The following COPG2 variants were observed in gnomAD, a reference collection of about 807,000 sequenced individuals.
The protein encoded by COPG2 is coatomer subunit gamma-2.
COPG2 carries 37 observed loss-of-function variants against 46.3 expected under a neutral mutation model. That is an observed-to-expected ratio of 0.80 (90% CI 0.61 to 1.05). The LOEUF is 1.05. Among genes scored for constraint, COPG2 ranks in the 50% least tolerant of loss-of-function variants. The pLI, the probability that COPG2 is intolerant of heterozygous loss-of-function variation, is 0.00. For synonymous variants in COPG2, 159 were observed against 129.7 expected (o/e 1.23, Z -1.53); for missense variants, 427 against 387.8 (o/e 1.10, Z -0.85).
At chr7:130,629,008 G>C (rs2116538813) in intron 5 of COPG2, among the ~76,000 whole-genome samples, 1 of 152,312 alleles carries the variant, frequency 6.6e-6, no homozygotes, top group African/African-American at 2.4e-5. Flanking sequence ...CTGGACAACA[G>C]AGCAAGATGC....
At chr7:130,612,362 A>C (rs1300678501) in intron 7 of COPG2, 124 bp from the exon 8 acceptor site, 2 of 625,452 alleles carry the variant, frequency 3.2e-6, no homozygotes, top group African/African-American at 1.9e-5. Context: ...TGTAGCTCTT[A>C]TAAGTCTATT....
rs1168370976 is a variant in COPG2 at position 130,583,805 on chromosome 7, C to CAAAAAAA, written c.738-19419_738-19413dup. On this transcript the variant is annotated intron_variant, in intron 9 of 23. Coordinates refer to ENST00000425248, the MANE Select transcript of COPG2 (RefSeq NM_012133.6). ...CTGGCAACAGAGCGAGACTCCATCT[C>CAAAAAAA]AAAAAAAAAAAAAAAAAAAAAAAAA... is the stretch of plus-strand genomic sequence containing the variant. 1.6e-4 allele frequency among the ~76,000 whole-genome samples: 2 copies of CAAAAAAA among 12,356 alleles called. 1 individual carries two copies. Among genetic ancestry groups the CAAAAAAA allele is most frequent in the African/African-American group, 6.3e-4 (2 of 3,182 alleles). The allele number at this position is 12,356 out of a possible 152,430, so 8.1% of individuals were successfully genotyped here. A position where few individuals can be genotyped will look rare whatever the true frequency, so the allele number is the denominator to read the frequency against.
chr7:130,530,281 T>G (rs1294564498), intron 20 of COPG2, among the ~76,000 whole-genome samples: 1 of 151,908 alleles, frequency 6.6e-6, no homozygotes, highest in African/African-American at 2.4e-5. Context: ...GGGCTGCATC[T>G]GAGGTAAATG....
At chr7:130,526,862 TGGGTTTGGGATG>T (rs1250907919) in intron 20 of COPG2, among the ~76,000 whole-genome samples, 3 of 77,438 alleles carry the variant, frequency 3.9e-5, no homozygotes, top group East Asian at 8.1e-4. Context: ...GATTTGGGAT[TGGGTTTGGGATG>T]GGGTTTGGGT....
intron 5 of COPG2, among the ~76,000 whole-genome samples, chr7:130,643,992 C>T (rs1554457707): frequency 6.6e-6 from 1 of 152,062 alleles, no homozygotes; most frequent in Non-Finnish European, 1.5e-5. Context: ...AAATGAGCAG[C>T]AGTGCAAAGA....
At chr7:130,626,978 A>G (rs1795131951) in intron 5 of COPG2, among the ~76,000 whole-genome samples, 1 of 152,128 alleles carries the variant, frequency 6.6e-6, no homozygotes, top group Non-Finnish European at 1.5e-5. Flanking sequence ...TCCACCTCCC[A>G]GGCTCAAGCA....
chr7:130,625,580 A>G (rs560836385), intron 5 of COPG2, among the ~76,000 whole-genome samples: 1 of 151,284 alleles, frequency 6.6e-6, no homozygotes, highest in Admixed American at 6.6e-5. Context: ...CTAGGTTTCA[A>G]ATTTATTTCA....
At chr7:130,520,356 CTTGG>C (rs1799714286) in intron 20 of COPG2, among the ~76,000 whole-genome samples, 1 of 152,020 alleles carries the variant, frequency 6.6e-6, no homozygotes, top group African/African-American at 2.4e-5. Context: ...GGAGAAGATG[CTTGG>C]TTGGAGGAAA....
At chr7:130,569,197 C>T (rs1330356649) in intron 9 of COPG2, among the ~76,000 whole-genome samples, 3 of 151,880 alleles carry the variant, frequency 2.0e-5, no homozygotes, top group African/African-American at 7.3e-5. Context: ...AAAGAAATAA[C>T]CAAGATCAGA....
At chr7:130,583,113 A>G (rs1432236849) in intron 9 of COPG2, among the ~76,000 whole-genome samples, 1 of 151,428 alleles carries the variant, frequency 6.6e-6, no homozygotes, top group Non-Finnish European at 1.5e-5. Flanking sequence ...TCCAACAATG[A>G]TAGACCGGAT....
At chr7:130,629,764 A>T (rs1194931127) in intron 5 of COPG2, among the ~76,000 whole-genome samples, 1 of 151,852 alleles carries the variant, frequency 6.6e-6, no homozygotes, top group Non-Finnish European at 1.5e-5. Flanking sequence ...CTTTTTTAGG[A>T]AGTCTTCTTG....
intron 8 of COPG2, 54 bp from the exon 9 acceptor site, chr7:130,611,164 T>C: frequency 1.3e-6 from 2 of 1,495,724 alleles, no homozygotes; most frequent in Non-Finnish European, 1.8e-6. Flanking sequence ...GTCAAAATAT[T>C]TACACAAAAA....
intron 9 of COPG2, among the ~76,000 whole-genome samples, chr7:130,581,987 G>T (rs1794155505): frequency 6.6e-6 from 1 of 151,998 alleles, no homozygotes. Flanking sequence ...CACAGAATTG[G>T]AAAAAACTAC....
rs562314991 is a variant in COPG2, at chr7:130,570,894, C to T, written c.738-6501G>A. On this transcript the variant is annotated intron_variant, in intron 9 of 23. Coordinates refer to ENST00000425248, the MANE Select transcript of COPG2 (RefSeq NM_012133.6). ...CAGAATAGAGAACCCAGAAATAAAC[C>T]CAACTACTTATAGCCAACTGATCTT... Among the ~76,000 whole-genome samples, 14 of 152,170 alleles carry T rather than the reference C, an allele frequency of 9.2e-5. No individual in the cohort carries two copies. The South Asian group carries it at 2.9e-3, about 32-fold the overall frequency.
Position 130,570,071 on chromosome 7 carries a change from C to T in COPG2, c.738-5678G>A, listed in dbSNP as rs915987262. On this transcript the variant is annotated intron_variant, in intron 9 of 23. Coordinates refer to ENST00000425248, the MANE Select transcript of COPG2 (RefSeq NM_012133.6). ...GGATGTGCCTTAAAGTAATAAAAGC[C>T]ATCTAGGAGAAACCCACAGTTGGCA... Among the ~76,000 whole-genome samples, 95 of 152,256 alleles carry T rather than the reference C, an allele frequency of 6.2e-4. 1 individual carries two copies. The highest frequency in any genetic ancestry group is 9.6e-4 in the Non-Finnish European group (65 of 68,004).
intron 20 of COPG2, among the ~76,000 whole-genome samples, chr7:130,532,301 G>A (rs1377071348): frequency 2.6e-5 from 4 of 152,218 alleles, no homozygotes; most frequent in African/African-American, 9.6e-5. Flanking sequence ...GAGGAGTGAG[G>A]CCCAGAGAAG....
Position 130,652,879 on chromosome 7 carries a change from C to T in COPG2, c.313G>A (p.Val105Ile). ...MATISEDVII[V>I]TSSLTKDMTG... ...TGACCATTTACATACCTGCTTGTGA[C>T]AATTATCACATCCTCAGAGATGGTA... is the stretch of plus-strand genomic sequence containing the variant. Residue 105 changes from valine (V) to isoleucine (I), a missense_variant, in exon 5 of 24, where the codon GTC (valine) becomes ATC (isoleucine). Transcript: ENST00000425248. 6.3e-7 allele frequency: 1 copy of T among 1,597,876 alleles called. No homozygotes were observed.
intron 16 of COPG2, 105 bp downstream of exon 16, chr7:130,551,136 A>C (rs1185223930): frequency 1.0e-5 from 4 of 394,206 alleles, no homozygotes; most frequent in African/African-American, 4.1e-5. Flanking sequence ...TCAAAGACAA[A>C]AACCAAGCAT....
In COPG2 at chr7:130,646,947, A is replaced by G. The variant is rs1436220085; in HGVS notation, c.323+5922T>C. Among the ~76,000 whole-genome samples, 5 of 133,130 alleles carry G rather than the reference A, an allele frequency of 3.8e-5. 1 individual carries two copies. Among genetic ancestry groups the G allele is most frequent in the African/African-American group, 1.5e-4 (5 of 33,744 alleles). The allele number at this position is 133,130 out of a possible 152,430, so 87.3% of individuals were successfully genotyped here. On this transcript the variant is annotated intron_variant, in intron 5 of 23. Coordinates refer to ENST00000425248, the MANE Select transcript of COPG2 (RefSeq NM_012133.6). ...TGTGTGTGTATATATATATACGTAT[A>G]TATATATATGCATATATATATGTGT...
Sources: gnomAD v4.1 joint callset for allele counts (sites outside exome capture counted in the v4.1 genomes callset) on GRCh38, gnomAD v4.1.1 for gene constraint, MANE v1.5 for transcripts, NCBI Gene and HGNC (gene_info 2026-07-23, HGNC 2026-07-21) for gene names.